Variants in ADGRB3 observed in about 807,000 individuals in gnomAD.
The protein encoded by ADGRB3 is adhesion G protein-coupled receptor B3.
A neutral mutation model predicts 193.4 loss-of-function variants in ADGRB3; 37 were observed. The observed-to-expected ratio is 0.19, with a 90% CI of 0.15 to 0.25. The LOEUF is 0.25. Among genes scored for constraint, ADGRB3 ranks in the 10% least tolerant of loss-of-function variants. The pLI is 1.00. For synonymous variants in ADGRB3, 690 were observed against 644.2 expected (o/e 1.07, Z -1.08); for missense variants, 1,637 against 1,852.9 (o/e 0.88, Z 2.14).
intron 20 of ADGRB3, among the ~76,000 whole-genome samples, chr6:69,305,474 G>A (rs1768049173): frequency 6.6e-6 from 1 of 151,506 alleles, no homozygotes; most frequent in Admixed American, 6.6e-5. Flanking sequence ...CTGCTATGAA[G>A]GAGATAATCC....
At chr6:69,326,801 G>T (rs1400617372) in intron 21 of ADGRB3, among the ~76,000 whole-genome samples, 1 of 151,930 alleles carries the variant, frequency 6.6e-6, no homozygotes, top group Non-Finnish European at 1.5e-5. Context: ...GGAGGGACAA[G>T]AAGAGGAGAA....
chr6:68,869,959 A>G (rs1198965945), intron 3 of ADGRB3, among the ~76,000 whole-genome samples: 1 of 152,152 alleles, frequency 6.6e-6, no homozygotes, highest in Non-Finnish European at 1.5e-5. Context: ...TTGTATTTTT[A>G]GTAGAGACGG....
intron 18 of ADGRB3, among the ~76,000 whole-genome samples, chr6:69,234,317 AT>A (rs1238471561): frequency 2.0e-5 from 3 of 152,190 alleles, no homozygotes; most frequent in Non-Finnish European, 4.4e-5. Flanking sequence ...AATGCATGTA[AT>A]CTTTACATAT....
Position 69,382,821 on chromosome 6 carries a change from T to C in ADGRB3, c.4276-10T>C, listed in dbSNP as rs1466747575. 6.3e-7 allele frequency: 1 copy of C among 1,582,134 alleles called. No homozygotes were observed. The highest frequency in any genetic ancestry group is 1.8e-5 in the Admixed American group (1 of 56,998). ...GTTGGGGATGAGAGCTATCTTGTTCTTTTTTGCAGAAGGTCATGCATACAA... is the reference window on the plus strand; with the variant it reads ...GTTGGGGATGAGAGCTATCTTGTTCCTTTTTGCAGAAGGTCATGCATACAA... On this transcript the variant is annotated splice_polypyrimidine_tract_variant and intron_variant, in intron 30 of 31. Transcript: ENST00000370598.
chr6:69,187,474 T>G (rs898092749), intron 17 of ADGRB3, among the ~76,000 whole-genome samples: 2 of 152,294 alleles, frequency 1.3e-5, no homozygotes, highest in South Asian at 4.1e-4. Context: ...AGGTCTCTGC[T>G]AAATGATGTT....
rs142820047 is a variant in ADGRB3 at position 68,890,851 on chromosome 6, T to C, written c.758-39708T>C. Among the ~76,000 whole-genome samples, 69 of 152,200 alleles carry C rather than the reference T, an allele frequency of 4.5e-4. 2 individuals are homozygous for C. The East Asian group carries it at 0.013, about 29-fold the overall frequency. On this transcript the variant is annotated intron_variant, in intron 3 of 31. Coordinates refer to ENST00000370598, the MANE Select transcript of ADGRB3 (RefSeq NM_001704.3). The stretch of plus-strand genomic sequence containing the variant: ...TCTTAAAGGAGAGTTATGACAATCA[T>C]AGAGGGAGGTGGAAAGTTTAGCAGG...
chr6:69,324,817 T>G, intron 20 of ADGRB3, 55 bp from the exon 21 acceptor site: 1 of 1,577,832 alleles, frequency 6.3e-7, no homozygotes, highest in Non-Finnish European at 8.7e-7. Flanking sequence ...GAAGAACATA[T>G]CATTTTCCCT....
At chr6:68,790,052 G>A (rs984370904) in intron 3 of ADGRB3, among the ~76,000 whole-genome samples, 7 of 152,000 alleles carry the variant, frequency 4.6e-5, no homozygotes, top group South Asian at 2.1e-4. Flanking sequence ...TTATCTGGTC[G>A]TCTAATTTTT....
At chr6:68,852,069 G>T (rs1020116612) in intron 3 of ADGRB3, among the ~76,000 whole-genome samples, 1 of 151,724 alleles carries the variant, frequency 6.6e-6, no homozygotes, top group Non-Finnish European at 1.5e-5. Flanking sequence ...ATAAGTCCTT[G>T]CACTTTATTC....
At chr6:68,983,184 A>AT (rs1768976461) in intron 10 of ADGRB3, among the ~76,000 whole-genome samples, 1 of 152,084 alleles carries the variant, frequency 6.6e-6, no homozygotes, top group African/African-American at 2.4e-5. Context: ...AGGAAGCCTA[A>AT]TATGTATATG....
intron 3 of ADGRB3, among the ~76,000 whole-genome samples, chr6:68,659,380 A>C (rs1283768697): frequency 6.6e-6 from 1 of 151,012 alleles, no homozygotes; most frequent in African/African-American, 2.4e-5. Context: ...TCAGTAAAAA[A>C]ATAGGAAGGA....
At chr6:68,717,041 G>A (rs1014883397) in intron 3 of ADGRB3, among the ~76,000 whole-genome samples, 3 of 151,376 alleles carry the variant, frequency 2.0e-5, no homozygotes, top group African/African-American at 2.4e-5. Flanking sequence ...TGGGATATTC[G>A]GCAGTTTTCA....
Position 69,122,696 on chromosome 6 carries a change from A to G in ADGRB3, c.2480+46658A>G, listed in dbSNP as rs1049581616. 9.5e-4 allele frequency among the ~76,000 whole-genome samples: 145 copies of G among 152,044 alleles called. 1 individual carries two copies. Among genetic ancestry groups the G allele is most frequent in the Admixed American group, 1.6e-3 (24 of 15,276 alleles). On this transcript the variant is annotated intron_variant, in intron 17 of 31. Coordinates refer to ENST00000370598, the MANE Select transcript of ADGRB3 (RefSeq NM_001704.3). ...CTGATTATTCTTTCATTTTGTTGCA[A>G]GAAAGGATATTCAAGCTATTTGCTA...
At chr6:68,647,299 A>G (rs935983516) in intron 3 of ADGRB3, among the ~76,000 whole-genome samples, 1 of 152,156 alleles carries the variant, frequency 6.6e-6, no homozygotes, top group Non-Finnish European at 1.5e-5. Context: ...TATATTTTTC[A>G]TTATACGATG....
intron 9 of ADGRB3, 26 bp downstream of exon 9, chr6:68,974,890 C>T (rs747841767): frequency 9.5e-6 from 15 of 1,574,300 alleles, no homozygotes; most frequent in Non-Finnish European, 1.3e-5. Context: ...CCACCCAAAC[C>T]CTAGTGATAA....
At chr6:69,367,360 T>G (rs1432516815) in intron 29 of ADGRB3, among the ~76,000 whole-genome samples, 1 of 151,940 alleles carries the variant, frequency 6.6e-6, no homozygotes, top group Non-Finnish European at 1.5e-5. Flanking sequence ...TGATTTAGAG[T>G]TCTTTGGGTA....
chr6:69,284,745 G>A (rs1246161131), intron 20 of ADGRB3, among the ~76,000 whole-genome samples: 1 of 151,980 alleles, frequency 6.6e-6, no homozygotes, highest in Admixed American at 6.6e-5. Context: ...TTCTCAAAAT[G>A]TCTAGTTACT....
At chr6:69,312,143 T>C (rs1768208342) in intron 20 of ADGRB3, among the ~76,000 whole-genome samples, 2 of 151,656 alleles carry the variant, frequency 1.3e-5, no homozygotes, top group South Asian at 4.1e-4. Flanking sequence ...CCTGATAATC[T>C]GGGAAAGAGT....
chr6:69,220,320 T>C (rs1765865839), intron 17 of ADGRB3, among the ~76,000 whole-genome samples: 1 of 152,152 alleles, frequency 6.6e-6, no homozygotes, highest in African/African-American at 2.4e-5. Flanking sequence ...TGCAAATTGT[T>C]GTGTCTCCAA....
Sources: allele counts gnomAD v4.1 joint callset (sites outside exome capture counted in the v4.1 genomes callset), GRCh38; gene constraint gnomAD v4.1.1; transcripts MANE v1.5; gene names NCBI Gene and HGNC (gene_info 2026-07-23, HGNC 2026-07-21).